ZNRF3: variants seen among roughly 807,000 people sequenced by gnomAD.
ZNRF3 encodes the protein E3 ubiquitin-protein ligase ZNRF3.
ZNRF3 carries 23 observed loss-of-function variants against 72.5 expected under a neutral mutation model. The observed-to-expected ratio is 0.32, with a 90% confidence interval of 0.23 to 0.45. ZNRF3 has a LOEUF of 0.45. Ranked by LOEUF, ZNRF3 falls within the 20% of genes least tolerant of loss-of-function variation. ZNRF3 has a pLI of 1.00. For missense variants in ZNRF3, 1,169 were observed against 1,272.1 expected, an observed-to-expected ratio of 0.92 and a Z score of 1.23; for synonymous variants, 610 against 545.3, an observed-to-expected ratio of 1.12 and a Z score of -1.65.
intron 1 of ZNRF3, among the ~76,000 whole-genome samples, chr22:28,943,908 G>A (rs115660193): frequency 0.011 from 1,700 of 151,922 alleles, 38 homozygotes; most frequent in African/African-American, 0.039. Flanking sequence ...ATGATGTTCC[G>A]TGTGTAACTA....
chr22:28,928,553 G>A (rs144903307), intron 1 of ZNRF3, among the ~76,000 whole-genome samples: 2,627 of 145,392 alleles, frequency 0.018, 90 homozygotes, highest in African/African-American at 0.064. Context: ...GAGTGCAGTG[G>A]CACAATCTTG....
chr22:28,966,786 G>A (rs1051538636), intron 1 of ZNRF3, among the ~76,000 whole-genome samples: 6 of 151,264 alleles, frequency 4.0e-5, no homozygotes, highest in Admixed American at 3.3e-4. Context: ...AGTAAGCTAA[G>A]GTTAATTTAT....
Position 29,050,011 on chromosome 22 carries a change from G to A in ZNRF3, c.1830G>A (p.Ala610=), listed in dbSNP as rs560006529. Reference sequence around the variant, plus strand: ...GGAGCCCCTGTCGTGCCAGTGAGGCGGGGGGCTCGGGCAGCTCGGGCCGGG... The same window carrying A: ...GGAGCCCCTGTCGTGCCAGTGAGGCAGGGGGCTCGGGCAGCTCGGGCCGGG... ...RSRSPCRASE[A]GGSGSSGRGP... Residue 610 remains alanine, a synonymous_variant, in exon 8 of 9, where the codon GCG becomes GCA. Coordinates refer to ENST00000544604, the MANE Select transcript of ZNRF3 (RefSeq NM_001206998.2). The A allele has an allele frequency of 1.9e-5, 30 of 1,611,086 alleles. No individual in the cohort carries two copies. In the Admixed American group the frequency reaches 3.0e-4, roughly 16 times the overall value.
intron 1 of ZNRF3, among the ~76,000 whole-genome samples, chr22:28,976,233 C>T (rs1462760308): frequency 6.6e-6 from 1 of 152,110 alleles, no homozygotes; most frequent in Non-Finnish European, 1.5e-5. Context: ...CCAGCATGGG[C>T]AACAGAGCGG....
At chr22:28,914,547 G>C (rs2034376317) in intron 1 of ZNRF3, among the ~76,000 whole-genome samples, 1 of 149,472 alleles carries the variant, frequency 6.7e-6, no homozygotes, top group Non-Finnish European at 1.5e-5. Context: ...GGGCACGGTG[G>C]CTCACGCCTA....
chr22:28,948,306 A>G (rs1298355161), intron 1 of ZNRF3, among the ~76,000 whole-genome samples: 4 of 152,160 alleles, frequency 2.6e-5, no homozygotes, highest in Non-Finnish European at 4.4e-5. Context: ...CTGGGACTAC[A>G]GGCATGTGCC....
chr22:28,920,118 C>T (rs922634186), intron 1 of ZNRF3, among the ~76,000 whole-genome samples: 18 of 151,430 alleles, frequency 1.2e-4, no homozygotes, highest in African/African-American at 2.7e-4. Context: ...TACAGGCATC[C>T]GCCACTATGC....
chr22:28,929,156 A>C (rs947042424), intron 1 of ZNRF3, among the ~76,000 whole-genome samples: 3 of 152,246 alleles, frequency 2.0e-5, no homozygotes, highest in African/African-American at 4.8e-5. Flanking sequence ...TTTTATTAAG[A>C]ATACCAGGAA....
chr22:29,042,269 C>T (rs2036977566), intron 2 of ZNRF3, among the ~76,000 whole-genome samples: 1 of 152,202 alleles, frequency 6.6e-6, no homozygotes, highest in Non-Finnish European at 1.5e-5. Flanking sequence ...TGGGAATGTC[C>T]TTCTCCTAGC....
chr22:28,973,863 C>CA (rs1364543707), intron 1 of ZNRF3, among the ~76,000 whole-genome samples: 2 of 150,528 alleles, frequency 1.3e-5, no homozygotes, highest in South Asian at 2.1e-4. Context: ...CTCAAGGTTA[C>CA]AAAAAACCAA....
At chr22:29,031,948 C>T (rs1188432906) in intron 2 of ZNRF3, among the ~76,000 whole-genome samples, 2 of 152,230 alleles carry the variant, frequency 1.3e-5, no homozygotes, top group Non-Finnish European at 1.5e-5. Context: ...GCTTAAGTCT[C>T]TTGTTACCCC....
chr22:28,951,229 G>T (rs1211842016), intron 1 of ZNRF3, among the ~76,000 whole-genome samples: 1 of 152,104 alleles, frequency 6.6e-6, no homozygotes, highest in African/African-American at 2.4e-5. Context: ...GTTGAATTGT[G>T]TCCCCCCAAA....
At chr22:28,957,252 A>G (rs929919307) in intron 1 of ZNRF3, among the ~76,000 whole-genome samples, 1 of 152,148 alleles carries the variant, frequency 6.6e-6, no homozygotes, top group African/African-American at 2.4e-5. Context: ...CATAGTTACA[A>G]AATTCCAAAC....
At chr22:28,967,753 C>G (rs2035497741) in intron 1 of ZNRF3, among the ~76,000 whole-genome samples, 1 of 151,222 alleles carries the variant, frequency 6.6e-6, no homozygotes. Flanking sequence ...ATAGTGAAAC[C>G]CATCTCTACA....
In ZNRF3 at chr22:28,907,148, AG is replaced by A. The variant is rs201708793; in HGVS notation, c.300+23083del. Among the ~76,000 whole-genome samples, 193 of 134,384 alleles carry A rather than the reference AG, an allele frequency of 1.4e-3. 1 individual carries two copies. The highest frequency in any genetic ancestry group is 1.2e-3 in the Non-Finnish European group (77 of 61,716). 88.2% of individuals were successfully genotyped at this position (134,384 alleles called of 152,430 possible). A position where few individuals can be genotyped will look rare whatever the true frequency, so the allele number is the denominator to read the frequency against. The stretch of plus-strand genomic sequence containing the variant: ...CAGGCACACGCCGCCACGCCCGTCC[AG>A]TTTTTTTTTTTTTTTTGTATTTTAG... On this transcript the variant is annotated intron_variant, in intron 1 of 8. Coordinates refer to ENST00000544604, the MANE Select transcript of ZNRF3 (RefSeq NM_001206998.2).
intron 2 of ZNRF3, among the ~76,000 whole-genome samples, chr22:29,033,577 A>G (rs778839390): frequency 5.9e-5 from 9 of 152,140 alleles, no homozygotes; most frequent in Non-Finnish European, 1.2e-4. Context: ...TGGGCTGAGG[A>G]GCCCCCAGAA....
intron 1 of ZNRF3, 133 bp from the exon 2 acceptor site, chr22:28,986,943 G>C (rs962094794): frequency 4.7e-6 from 6 of 1,263,490 alleles, no homozygotes; most frequent in Non-Finnish European, 6.4e-6. Context: ...CCCTTGGGTT[G>C]AAAAACTGTC....
At position 29,048,292 on chromosome 22, in the gene ZNRF3, GC is replaced by G; in HGVS notation, c.913-96del. On this transcript the variant is annotated intron_variant, in intron 6 of 8. Transcript: ENST00000544604. This position sits in a 1 kb window ranked among gnomAD's most constrained non-coding sequence, Gnocchi z 4.9. ...GGGAGGAGAGTAGGGAAGGGCACGG[GC>G]ATGCTGTGCAGAACTCCTTGGTCTA... 1 of 918,214 alleles carries G rather than the reference GC, an allele frequency of 1.1e-6. No individual in the cohort carries two copies. Among genetic ancestry groups the G allele is most frequent in the Non-Finnish European group, 1.7e-6 (1 of 589,090 alleles). The allele number at this position is 918,214 out of a possible 1,614,324, so 56.9% of individuals were successfully genotyped here.
At chr22:28,976,285 G>T (rs1002065218) in intron 1 of ZNRF3, among the ~76,000 whole-genome samples, 1 of 152,138 alleles carries the variant, frequency 6.6e-6, no homozygotes, top group African/African-American at 2.4e-5. Flanking sequence ...GGGTGGCAGA[G>T]GTGGGTGGGT....
Sources: allele counts gnomAD v4.1 joint callset (sites outside exome capture counted in the v4.1 genomes callset), GRCh38; gene constraint gnomAD v4.1.1; non-coding constraint Gnocchi (gnomAD v3.1); transcripts MANE v1.5; gene names NCBI Gene and HGNC (gene_info 2026-07-23, HGNC 2026-07-21).